Variants in MTMR9 observed in about 807,000 individuals in gnomAD.
MTMR9 encodes myotubularin-related protein 9.
A neutral mutation model predicts 69.5 loss-of-function variants in MTMR9; 39 were observed. That is an observed-to-expected ratio of 0.56 (90% CI 0.43 to 0.73). The LOEUF is 0.73. MTMR9 is among the 30% of genes least tolerant of loss of function. MTMR9 has a pLI of 0.00. For synonymous variants in MTMR9, 354 were observed against 240.8 expected (o/e 1.47, Z -4.35); for missense variants, 900 against 671.2 (o/e 1.34, Z -3.77).
the MTMR9 span, among the ~76,000 whole-genome samples, chr8:11,334,261 A>G: frequency 6.6e-6 from 1 of 152,238 alleles, no homozygotes; most frequent in Admixed American, 6.5e-5. Flanking sequence ...AACAGTATTA[A>G]TGTAATTTTG....
intron 1 of MTMR9, among the ~76,000 whole-genome samples, chr8:11,288,825 G>T (rs1799281966): frequency 2.0e-5 from 3 of 152,344 alleles, no homozygotes; most frequent in South Asian, 4.1e-4. Flanking sequence ...AAACTGTAGG[G>T]GGGCAAGACT....
downstream of MTMR9, chr8:11,331,274 C>A (rs1801212021): frequency 6.2e-7 from 1 of 1,614,000 alleles, no homozygotes; most frequent in Non-Finnish European, 8.5e-7. Context: ...TCGTGGGCCC[C>A]CTTTCTCGTA....
chr8:11,287,671 G>C (rs1799210295), intron 1 of MTMR9, among the ~76,000 whole-genome samples: 1 of 137,192 alleles, frequency 7.3e-6, no homozygotes, highest in Non-Finnish European at 1.5e-5. Flanking sequence ...ATATTTATTA[G>C]ATATATTTAT....
downstream of MTMR9, chr8:11,331,273 C>G (rs143349475): frequency 2.2e-3 from 3,490 of 1,614,006 alleles, 8 homozygotes; most frequent in Non-Finnish European, 2.5e-3. Flanking sequence ...TTCGTGGGCC[C>G]CCTTTCTCGT....
intron 5 of MTMR9, among the ~76,000 whole-genome samples, chr8:11,308,289 G>T (rs1485837775): frequency 6.6e-6 from 1 of 152,152 alleles, no homozygotes; most frequent in African/African-American, 2.4e-5. Flanking sequence ...ACTCATGGGA[G>T]AAGCTCCTTT....
intron 5 of MTMR9, among the ~76,000 whole-genome samples, chr8:11,306,872 C>A (rs776827930): frequency 3.9e-5 from 6 of 152,172 alleles, no homozygotes; most frequent in Non-Finnish European, 7.4e-5. Flanking sequence ...TACCCCGACC[C>A]CTCCTGCTAC....
At chr8:11,337,883 C>G in the MTMR9 span, among the ~76,000 whole-genome samples, 2 of 152,146 alleles carry the variant, frequency 1.3e-5, no homozygotes, top group Admixed American at 1.3e-4. Flanking sequence ...AGTACCTGTC[C>G]TCCTAGGATT....
chr8:11,290,965 T>C lies in MTMR9; in HGVS notation c.183-4229T>C, dbSNP rs185350116. Among the ~76,000 whole-genome samples the C allele has an allele frequency of 2.1e-3, 322 of 152,048 alleles. 2 individuals carry two copies. Among genetic ancestry groups the C allele is most frequent in the Non-Finnish European group, 2.6e-3 (176 of 67,984 alleles). On this transcript the variant is annotated intron_variant, in intron 1 of 9. Transcript: ENST00000221086. ...TGTTCATGGGATTTTTAAAAGTCTT[T>C]AATAATAATTGAAGACTCAAAGGCA...
At chr8:11,319,589 TTC>T (rs1486175689) in intron 8 of MTMR9, 96 bp from the exon 9 acceptor site, 1 of 1,275,826 alleles carries the variant, frequency 7.8e-7, no homozygotes. Context: ...GTATTCTATC[TTC>T]TTTCATACTG....
chr8:11,324,780 C>G lies in MTMR9; in HGVS notation c.*1992C>G, dbSNP rs921341773. The G allele has an allele frequency of 2.6e-5, 4 of 152,294 alleles. No individual in the cohort carries two copies. Among genetic ancestry groups the G allele is most frequent in the Admixed American group, 2.6e-4 (4 of 15,278 alleles). The allele number at this position is 152,294 out of a possible 1,614,324, so 9.4% of individuals were successfully genotyped here. Reference sequence around the variant, plus strand: ...GCTGAGGCAGAAGGATCCCTTGAGCCTAGGAGGTTGAGGCTGCAGTGAGCT... The same window carrying G: ...GCTGAGGCAGAAGGATCCCTTGAGCGTAGGAGGTTGAGGCTGCAGTGAGCT... On this transcript the variant is annotated 3_prime_UTR_variant, in exon 10 of 10. Transcript: ENST00000221086.
chr8:11,330,520 G>C (rs1448451122), downstream of MTMR9, among the ~76,000 whole-genome samples: 3 of 152,216 alleles, frequency 2.0e-5, no homozygotes, highest in Non-Finnish European at 4.4e-5. Flanking sequence ...GATTGTTGCT[G>C]TGTCTGTGTA....
the MTMR9 span, among the ~76,000 whole-genome samples, chr8:11,333,804 G>A: frequency 7.9e-5 from 12 of 152,060 alleles, no homozygotes; most frequent in African/African-American, 2.9e-4. Context: ...CCTGAGTGAA[G>A]AAATAAATAT....
At chr8:11,334,436 A>C in the MTMR9 span, among the ~76,000 whole-genome samples, 2 of 152,194 alleles carry the variant, frequency 1.3e-5, no homozygotes, top group African/African-American at 2.4e-5. Context: ...AACTTGGAAT[A>C]AGTTTAGATT....
downstream of MTMR9, chr8:11,331,568 C>T (rs143735406): frequency 3.0e-4 from 482 of 1,613,848 alleles, 1 homozygote; most frequent in African/African-American, 7.9e-4. Flanking sequence ...GCCAGGGTCT[C>T]GGTGGCTACG....
At position 11,322,943 on chromosome 8, in the gene MTMR9, T is replaced by C. The variant is rs1800763962; in HGVS notation, c.*155T>C. On this transcript the variant is annotated 3_prime_UTR_variant, in exon 10 of 10. Coordinates refer to ENST00000221086, the MANE Select transcript of MTMR9 (RefSeq NM_015458.4). ...AATGGATTTCTCAATACTGTATGAA[T>C]AATGAAACTTACTATCATAAACCAT... The C allele has an allele frequency of 1.9e-6, 1 of 524,030 alleles. No individual in the cohort carries two copies. Among genetic ancestry groups the C allele is most frequent in the Non-Finnish European group, 3.2e-6 (1 of 315,126 alleles). 32.5% of individuals were successfully genotyped at this position (524,030 alleles called of 1,614,324 possible).
At chr8:11,331,506 C>G (rs151141565), downstream of MTMR9, 2 of 1,613,830 alleles carry the variant, frequency 1.2e-6, no homozygotes, top group Non-Finnish European at 8.5e-7. Context: ...TGCCACTGTT[C>G]GCAAAGGTTC....
At chr8:11,296,255 T>C (rs1187335126) in intron 2 of MTMR9, among the ~76,000 whole-genome samples, 1 of 152,224 alleles carries the variant, frequency 6.6e-6, no homozygotes, top group Non-Finnish European at 1.5e-5. Context: ...AGGATAATAG[T>C]ACCTATCTTT....
chr8:11,332,574 GT>G (rs893464023), downstream of MTMR9, among the ~76,000 whole-genome samples: 4 of 150,946 alleles, frequency 2.6e-5, no homozygotes, highest in African/African-American at 9.7e-5. Context: ...CACTAGAAGG[GT>G]TCGATAGAGT....
rs1801021569 is a variant in MTMR9 at position 11,327,975 on chromosome 8, T to A, written c.*5187T>A. The A allele has an allele frequency of 6.6e-6, 1 of 152,212 alleles. No individual in the cohort carries two copies. The highest frequency in any genetic ancestry group is 6.5e-5 in the Admixed American group (1 of 15,276). The allele number at this position is 152,212 out of a possible 1,614,324, so 9.4% of individuals were successfully genotyped here. ...CCTTGGGTTGGCCGGTTTGTCAAGC[T>A]TGGTTTACTGAATCAAGAAAGAGTC... On this transcript the variant is annotated 3_prime_UTR_variant, in exon 10 of 10. Coordinates refer to ENST00000221086, the MANE Select transcript of MTMR9 (RefSeq NM_015458.4).
Sources: gnomAD v4.1 joint callset for allele counts (sites outside exome capture counted in the v4.1 genomes callset) on GRCh38, gnomAD v4.1.1 for gene constraint, MANE v1.5 for transcripts, NCBI Gene and HGNC (gene_info 2026-07-23, HGNC 2026-07-21) for gene names.